Variants in LOC400499 observed in about 807,000 individuals in gnomAD.
chr16:11,461,402 T>G, the LOC400499 span, among the ~76,000 whole-genome samples: 1 of 152,162 alleles, frequency 6.6e-6, no homozygotes, highest in Admixed American at 6.5e-5. Context: ...GTATTTTTTG[T>G]AGAAGCAGGG....
At chr16:11,387,250 G>A in the LOC400499 span, 108 of 1,232,132 alleles carry the variant, frequency 8.8e-5, no homozygotes, top group Admixed American at 9.3e-4. Flanking sequence ...CCAGGGGCTC[G>A]TCCCCCGCAG....
chr16:11,465,765 C>T, the LOC400499 span, among the ~76,000 whole-genome samples: 16 of 119,372 alleles, frequency 1.3e-4, no homozygotes, highest in Admixed American at 1.2e-3. Context: ...AAAGAGAAGG[C>T]GGGGGGTGGG....
chr16:11,408,052 G>T, the LOC400499 span, among the ~76,000 whole-genome samples: 14 of 140,914 alleles, frequency 9.9e-5, no homozygotes, highest in Admixed American at 9.3e-4. Context: ...GCACGATCTC[G>T]GCTCACTGCA....
chr16:11,408,272 G>A, the LOC400499 span, among the ~76,000 whole-genome samples: 2 of 151,898 alleles, frequency 1.3e-5, no homozygotes, highest in East Asian at 3.9e-4. Context: ...GTGAGCTACC[G>A]CACCCAGCCA....
chr16:11,515,028 G>A, the LOC400499 span, among the ~76,000 whole-genome samples: 90,484 of 152,014 alleles, frequency 0.6, 27,437 homozygotes, highest in Admixed American at 0.66. Context: ...ACAGAGGGGC[G>A]GGCGTGGTGG....
At chr16:11,398,665 G>C in the LOC400499 span, among the ~76,000 whole-genome samples, 1 of 68,518 alleles carries the variant, frequency 1.5e-5, no homozygotes, top group East Asian at 3.1e-4. Flanking sequence ...TCTGCGGCAG[G>C]ATTTTTTTTT....
the LOC400499 span, among the ~76,000 whole-genome samples, chr16:11,376,204 T>A: frequency 2.0e-5 from 3 of 152,258 alleles, no homozygotes; most frequent in African/African-American, 7.2e-5. Flanking sequence ...CGATCCAGTT[T>A]GTCTGTTTCT....
chr16:11,403,133 G>A, the LOC400499 span, among the ~76,000 whole-genome samples: 1 of 152,132 alleles, frequency 6.6e-6, no homozygotes, highest in Non-Finnish European at 1.5e-5. Context: ...TGCTTTCCCA[G>A]ACCCCACAGC....
the LOC400499 span, among the ~76,000 whole-genome samples, chr16:11,402,733 G>C: frequency 6.6e-6 from 1 of 152,138 alleles, no homozygotes; most frequent in East Asian, 1.9e-4. Context: ...TGAACATGAG[G>C]AAGACCAGAA....
At chr16:11,456,719 T>G in the LOC400499 span, 2 of 1,021,564 alleles carry the variant, frequency 2.0e-6, no homozygotes, top group African/African-American at 3.5e-5. Context: ...TGAGCCACTG[T>G]GCCTGGCCCA....
the LOC400499 span, chr16:11,472,747 T>C: frequency 6.6e-6 from 1 of 152,226 alleles, no homozygotes; most frequent in Non-Finnish European, 1.5e-5. Flanking sequence ...ATGGCGTAGC[T>C]GTGAGGATTA....
At chr16:11,374,553 G>A in the LOC400499 span, among the ~76,000 whole-genome samples, 1 of 152,266 alleles carries the variant, frequency 6.6e-6, no homozygotes, top group Non-Finnish European at 1.5e-5. Flanking sequence ...ATTACTCGAG[G>A]TCCTTCAAAT....
chr16:11,468,386 G>T, the LOC400499 span, among the ~76,000 whole-genome samples: 1 of 150,934 alleles, frequency 6.6e-6, no homozygotes, highest in Non-Finnish European at 1.5e-5. Flanking sequence ...TGCAGTGGCA[G>T]AAGCATGGCT....
At chr16:11,425,097 G>C in the LOC400499 span, 1 of 398,998 alleles carries the variant, frequency 2.5e-6, no homozygotes, top group Non-Finnish European at 4.4e-6. Context: ...CTTGGAGGAA[G>C]CTGTTCTGCC....
the LOC400499 span, among the ~76,000 whole-genome samples, chr16:11,450,073 G>A: frequency 6.6e-6 from 1 of 152,138 alleles, no homozygotes; most frequent in East Asian, 1.9e-4. Context: ...GCCTCAGAGG[G>A]GACTGTGCTG....
chr16:11,526,055 A>C, the LOC400499 span, among the ~76,000 whole-genome samples: 36 of 152,302 alleles, frequency 2.4e-4, 1 homozygote, highest in East Asian at 6.9e-3. Context: ...TTATGAAACC[A>C]ACACAATTTA....
the LOC400499 span, among the ~76,000 whole-genome samples, chr16:11,519,721 T>G: frequency 1.3e-5 from 2 of 151,962 alleles, no homozygotes; most frequent in South Asian, 4.2e-4. Context: ...TTTTTTTTTT[T>G]TGAGATGGAG....
At chr16:11,441,428 T>C in the LOC400499 span, among the ~76,000 whole-genome samples, 1 of 152,170 alleles carries the variant, frequency 6.6e-6, no homozygotes, top group African/African-American at 2.4e-5. Context: ...TTTGGACAAA[T>C]GCAGAATCAC....
the LOC400499 span, among the ~76,000 whole-genome samples, chr16:11,468,638 CTTTT>C: frequency 6.6e-6 from 1 of 151,728 alleles, no homozygotes; most frequent in Non-Finnish European, 1.5e-5. Flanking sequence ...TTCTTTCTTT[CTTTT>C]TTTGAGACAG....
Sources: allele counts gnomAD v4.1 joint callset (sites outside exome capture counted in the v4.1 genomes callset), GRCh38; gene constraint gnomAD v4.1.1; transcripts MANE v1.5.